SCG3: variants seen among roughly 807,000 people sequenced by gnomAD.
The protein encoded by SCG3 is secretogranin III.
A neutral mutation model predicts 56.2 loss-of-function variants in SCG3; 38 were observed. The observed-to-expected ratio is 0.68, with a 90% CI of 0.52 to 0.89. SCG3 has a LOEUF of 0.89. Among genes scored for constraint, SCG3 ranks in the 40% least tolerant of loss-of-function variants. The probability of loss-of-function intolerance (pLI) is 0.00; values close to 1 mark genes in which losing one functional copy is unlikely to be tolerated. For synonymous variants in SCG3, 176 were observed against 184.2 expected, an observed-to-expected ratio of 0.96 and a Z score of 0.36; for missense variants, 524 against 540.7, an observed-to-expected ratio of 0.97 and a Z score of 0.31.
intron 11 of SCG3, among the ~76,000 whole-genome samples, chr15:51,717,349 C>T (rs1385896954): frequency 2.7e-5 from 4 of 147,104 alleles, no homozygotes; most frequent in Non-Finnish European, 6.0e-5. Flanking sequence ...GCCTGGGCAA[C>T]GGTGCAAGAC....
Position 51,699,337 on chromosome 15 carries a change from T to C in SCG3, c.1004T>C (p.Ile335Thr). 1 of 1,608,308 alleles carries C rather than the reference T, an allele frequency of 6.2e-7. No individual in the cohort carries two copies. Among genetic ancestry groups the C allele is most frequent in the Non-Finnish European group, 8.5e-7 (1 of 1,178,192 alleles). ...VSYLENLDEM[I>T]ALQTKNKLEK... ...CCTCCAGAAAACTTGGATGAAATGA[T>C]TGCTCTTCAGACCAAAAACAAGCTA... is the stretch of plus-strand genomic sequence containing the variant. Residue 335 changes from isoleucine to threonine, a missense_variant, in exon 9 of 12, where the codon ATT (isoleucine) becomes ACT (threonine). Coordinates refer to ENST00000220478, the MANE Select transcript of SCG3 (RefSeq NM_013243.4).
chr15:51,692,213 G>A lies in SCG3; in HGVS notation c.745G>A (p.Val249Ile). Residue 249 changes from valine to isoleucine, a missense_variant, in exon 7 of 12, where the codon GTA becomes ATA. Coordinates refer to ENST00000220478, the MANE Select transcript of SCG3 (RefSeq NM_013243.4). ...TGCTAAGGGAGAAAACGATGAAACA[G>A]TATCTAACACATTAACCTTGACAAA... Reference protein sequence around the residue: ...GLAKGENDETVSNTLTLTNGL... With the variant: ...GLAKGENDETISNTLTLTNGL... The A allele has an allele frequency of 4.3e-6, 7 of 1,614,024 alleles. No homozygotes were observed. The highest frequency in any genetic ancestry group is 5.1e-6 in the Non-Finnish European group (6 of 1,179,926).
intron 4 of SCG3, among the ~76,000 whole-genome samples, chr15:51,685,173 C>T (rs1055345004): frequency 2.6e-5 from 4 of 152,144 alleles, no homozygotes; most frequent in Non-Finnish European, 4.4e-5. Context: ...ATATCATATG[C>T]CATGCTACTC....
intron 10 of SCG3, chr15:51,707,910 A>G (rs1368254917): frequency 6.6e-6 from 1 of 152,238 alleles, no homozygotes; most frequent in Non-Finnish European, 1.5e-5. Flanking sequence ...TACAAAACCT[A>G]ATGTCTTTAG....
chr15:51,685,854 C>T (rs2055225493), intron 4 of SCG3, among the ~76,000 whole-genome samples: 1 of 152,154 alleles, frequency 6.6e-6, no homozygotes, highest in African/African-American at 2.4e-5. Context: ...CTTTGGGGCT[C>T]CTGTATGCAT....
At chr15:51,713,680 T>C (rs2055435594) in intron 11 of SCG3, among the ~76,000 whole-genome samples, 1 of 152,212 alleles carries the variant, frequency 6.6e-6, no homozygotes, top group Non-Finnish European at 1.5e-5. Context: ...GCATAATGGA[T>C]CCCTGTGTCT....
intron 10 of SCG3, 105 bp downstream of exon 10, chr15:51,701,349 A>T (rs2055338631): frequency 1.7e-6 from 2 of 1,163,642 alleles, no homozygotes; most frequent in Admixed American, 5.2e-5. Flanking sequence ...CATCTGAGAA[A>T]TTGACACAAT....
intron 7 of SCG3, 65 bp downstream of exon 7, chr15:51,692,401 G>C: frequency 1.4e-6 from 2 of 1,402,886 alleles, no homozygotes; most frequent in Non-Finnish European, 9.7e-7. Flanking sequence ...GTATGGGTGT[G>C]TTCTTTTCTT....
chr15:51,683,102 G>A lies in SCG3; in HGVS notation c.159G>A (p.Lys53=), dbSNP rs562614969. The change falls in exon 3 of 12, where the codon AAG becomes AAA. Residue 53 remains lysine, a synonymous_variant. Coordinates refer to ENST00000220478, the MANE Select transcript of SCG3 (RefSeq NM_013243.4). ...AGATTGCTGAAGCAGAAGAAGACAA[G>A]ATTAAAAAAACATATCCTCCAGGTA... ...NEQIAEAEED[K]IKKTYPPENK... 7.5e-6 allele frequency: 12 copies of A among 1,610,188 alleles called. No individual in the cohort carries two copies. In the South Asian group the frequency reaches 1.3e-4, roughly 18 times the overall value.
intron 6 of SCG3, among the ~76,000 whole-genome samples, chr15:51,691,823 C>A (rs2055268670): frequency 6.6e-6 from 1 of 152,132 alleles, no homozygotes. Flanking sequence ...CTTCCCTCTT[C>A]ATTAAAAGGC....
chr15:51,704,235 A>G (rs2055356462), intron 10 of SCG3, among the ~76,000 whole-genome samples: 1 of 68,404 alleles, frequency 1.5e-5, no homozygotes. Context: ...GTGTATACAT[A>G]CATACATACA....
chr15:51,694,636 A>AT (rs1005837705), intron 7 of SCG3, among the ~76,000 whole-genome samples: 26 of 151,820 alleles, frequency 1.7e-4, no homozygotes, highest in South Asian at 4.2e-4. Context: ...ATGGAAACAG[A>AT]TTTTTTTTTC....
rs972457210 is a variant in SCG3 at position 51,681,849 on chromosome 15, C to G, written c.82+12C>G. On this transcript the variant is annotated intron_variant, in intron 1 of 11. Coordinates refer to ENST00000220478, the MANE Select transcript of SCG3 (RefSeq NM_013243.4). Reference sequence around the variant, plus strand: ...TGGAGGAAGCCAAGGTATGTGAACACTTTTCTTCTTCCTACCTTCCTTTTA... The same window carrying G: ...TGGAGGAAGCCAAGGTATGTGAACAGTTTTCTTCTTCCTACCTTCCTTTTA... The G allele has an allele frequency of 6.2e-7, 1 of 1,608,002 alleles. No homozygotes were observed. The highest frequency in any genetic ancestry group is 1.3e-5 in the African/African-American group (1 of 74,914).
intron 6 of SCG3, among the ~76,000 whole-genome samples, chr15:51,690,493 A>C (rs2055259636): frequency 6.6e-6 from 1 of 151,930 alleles, no homozygotes; most frequent in Non-Finnish European, 1.5e-5. Context: ...TGTTTTAGAG[A>C]GGAGAGAAAA....
At chr15:51,709,273 GC>G (rs981434016) in intron 10 of SCG3, among the ~76,000 whole-genome samples, 3 of 151,872 alleles carry the variant, frequency 2.0e-5, no homozygotes, top group African/African-American at 7.3e-5. Context: ...GGGGGTAACC[GC>G]CCCCCTGATT....
chr15:51,709,034 A>G (rs901703305), intron 10 of SCG3, among the ~76,000 whole-genome samples: 3 of 152,194 alleles, frequency 2.0e-5, no homozygotes, highest in Non-Finnish European at 4.4e-5. Flanking sequence ...CTGCTAATAA[A>G]TACATACCCG....
rs1292772252 is a variant in SCG3 at position 51,717,689 on chromosome 15, C to A, written c.1289-1719C>A. 3.3e-5 allele frequency among the ~76,000 whole-genome samples: 5 copies of A among 152,316 alleles called. No homozygotes were observed. The East Asian group carries it at 9.6e-4, about 29-fold the overall frequency. On this transcript the variant is annotated intron_variant, in intron 11 of 11. Coordinates refer to ENST00000220478, the MANE Select transcript of SCG3 (RefSeq NM_013243.4). ...CAGTCTGAAGTGCAGGAGCTTCCAT[C>A]CTTGTGGAGCTGGGGTGCAACACCC... is the stretch of plus-strand genomic sequence containing the variant.
At chr15:51,713,945 G>A (rs1425855873) in intron 11 of SCG3, among the ~76,000 whole-genome samples, 2 of 152,220 alleles carry the variant, frequency 1.3e-5, no homozygotes, top group Non-Finnish European at 2.9e-5. Context: ...TCATGGATAG[G>A]TGTGTTACTG....
chr15:51,707,654 G>A (rs1053921539), intron 10 of SCG3, among the ~76,000 whole-genome samples: 1 of 152,190 alleles, frequency 6.6e-6, no homozygotes, highest in African/African-American at 2.4e-5. Flanking sequence ...CAAAGTGGTG[G>A]AGCTGGCCTT....
Sources: gnomAD v4.1 joint callset for allele counts (sites outside exome capture counted in the v4.1 genomes callset) on GRCh38, gnomAD v4.1.1 for gene constraint, MANE v1.5 for transcripts, NCBI Gene and HGNC (gene_info 2026-07-23, HGNC 2026-07-21) for gene names.